Variants in SPAG9 observed in about 807,000 individuals in gnomAD.
The protein encoded by SPAG9 is sperm associated antigen 9, also known as C-Jun-amino-terminal kinase-interacting protein 4.
In SPAG9, 35 loss-of-function variants were observed where a neutral mutation model predicts 166.5. That is an observed-to-expected ratio of 0.21 (90% CI 0.16 to 0.28). The LOEUF is 0.28. SPAG9 is among the 10% of genes least tolerant of loss of function. SPAG9 has a pLI of 1.00. For synonymous variants in SPAG9, 534 were observed against 565.5 expected (o/e 0.94, Z 0.79); for missense variants, 1,235 against 1,603.3 (o/e 0.77, Z 3.92).
chr17:51,115,335 C>T (rs547304355), intron 1 of SPAG9, among the ~76,000 whole-genome samples: 1 of 152,004 alleles, frequency 6.6e-6, no homozygotes, highest in African/African-American at 2.4e-5. Flanking sequence ...ACTACAGGCT[C>T]ACACCATCAC....
At chr17:51,039,461 C>T in intron 5 of SPAG9, among the ~76,000 whole-genome samples, 1 of 152,108 alleles carries the variant, frequency 6.6e-6, no homozygotes, top group Non-Finnish European at 1.5e-5. Flanking sequence ...TAGACTTTTG[C>T]CATTTTGTAA....
chr17:51,039,882 G>GA (rs1349882705), intron 5 of SPAG9, among the ~76,000 whole-genome samples: 2 of 152,020 alleles, frequency 1.3e-5, no homozygotes, highest in Non-Finnish European at 1.5e-5. Flanking sequence ...GAGTGTTTTG[G>GA]AAAATCTATT....
At chr17:51,085,882 C>A (rs2048291114) in intron 1 of SPAG9, among the ~76,000 whole-genome samples, 2 of 150,686 alleles carry the variant, frequency 1.3e-5, no homozygotes, top group South Asian at 4.2e-4. Context: ...TAAAAGAAAT[C>A]AAGGAGGATT....
chr17:51,092,605 C>T (rs955147925), intron 1 of SPAG9, among the ~76,000 whole-genome samples: 5 of 151,844 alleles, frequency 3.3e-5, no homozygotes. Flanking sequence ...TTTGGTCTGC[C>T]TTAATATTAT....
intron 28 of SPAG9, among the ~76,000 whole-genome samples, chr17:50,971,161 G>T (rs1295061036): frequency 6.6e-6 from 1 of 152,058 alleles, no homozygotes; most frequent in East Asian, 1.9e-4. Context: ...AAAAAAGTTA[G>T]CCGGGAATGG....
At position 51,103,321 on chromosome 17, in the gene SPAG9, GT is replaced by G. The variant is rs1708182549; in HGVS notation, c.303+17032del. ...AGGTTAGTTTGACACAGCGCTGAAA[GT>G]GCTACAAGAGGGCAAGAGGACTGTA... On this transcript the variant is annotated intron_variant, in intron 1 of 29. Transcript: ENST00000262013. Among the ~76,000 whole-genome samples the G allele has an allele frequency of 2.0e-5, 3 of 152,318 alleles. No homozygotes were observed. The East Asian group carries it at 5.8e-4, about 29-fold the overall frequency.
At chr17:51,105,033 T>A (rs1568092255) in intron 1 of SPAG9, among the ~76,000 whole-genome samples, 1 of 151,610 alleles carries the variant, frequency 6.6e-6, no homozygotes, top group African/African-American at 2.4e-5. Context: ...GAGGCAGAGC[T>A]TGCAGTGAGC....
At chr17:51,003,051 T>C (rs912951100) in intron 12 of SPAG9, among the ~76,000 whole-genome samples, 1 of 147,640 alleles carries the variant, frequency 6.8e-6, no homozygotes, top group Non-Finnish European at 1.5e-5. Flanking sequence ...CTAGGCAACA[T>C]AGTGAGACCC....
At chr17:51,095,969 ATAGT>A (rs2048619861) in intron 1 of SPAG9, among the ~76,000 whole-genome samples, 2 of 101,826 alleles carry the variant, frequency 2.0e-5, no homozygotes, top group South Asian at 5.3e-4. Flanking sequence ...ATATATATAT[ATAGT>A]GATATATATA....
At chr17:50,982,462 G>A (rs1974733054) in intron 25 of SPAG9, 62 bp downstream of exon 25, 2 of 1,450,162 alleles carry the variant, frequency 1.4e-6, no homozygotes, top group Non-Finnish European at 1.9e-6. Context: ...AATAATTATA[G>A]TCTAATAGTC....
At chr17:51,102,893 C>A (rs1448207615) in intron 1 of SPAG9, among the ~76,000 whole-genome samples, 1 of 152,094 alleles carries the variant, frequency 6.6e-6, no homozygotes, top group East Asian at 1.9e-4. Context: ...TCTTGAGTAG[C>A]TGGGACTTCA....
chr17:51,098,008 G>C (rs1395388920), intron 1 of SPAG9, among the ~76,000 whole-genome samples: 1 of 151,868 alleles, frequency 6.6e-6, no homozygotes, highest in Non-Finnish European at 1.5e-5. Context: ...TTTTTCTGTA[G>C]AGACAGGGTT....
In SPAG9 at chr17:50,995,205, A is replaced by G; in HGVS notation, c.2078T>C (p.Val693Ala). The change falls in exon 18 of 30, where the codon GTC (valine) becomes GCC (alanine). Residue 693 changes from valine (V) to alanine (A), a missense_variant. By Grantham distance (64) the Val-to-Ala change is moderately conservative. Around this residue, in one of 6 missense-constraint regions of SPAG9, gnomAD observed 493 missense variants for 559.4 expected, o/e 0.88. Transcript: ENST00000262013. ...TSMKLWCAVG[V>A]NLSGGKTRDG... ...TCTGGTCTTCCCACCAGATAAATTGACTCCAACAGCACACCACAGCTTCTC... is the reference window on the plus strand; with the variant it reads ...TCTGGTCTTCCCACCAGATAAATTGGCTCCAACAGCACACCACAGCTTCTC... 1 of 1,614,022 alleles carries G rather than the reference A, an allele frequency of 6.2e-7. No individual in the cohort carries two copies. Among genetic ancestry groups the G allele is most frequent in the Non-Finnish European group, 8.5e-7 (1 of 1,179,938 alleles).
chr17:50,995,702 C>T, intron 16 of SPAG9, 169 bp from the exon 17 acceptor site: 1 of 591,466 alleles, frequency 1.7e-6, no homozygotes, highest in East Asian at 2.9e-5. Context: ...CGCTCTACTG[C>T]CCAGGCTAGA....
intron 1 of SPAG9, among the ~76,000 whole-genome samples, chr17:51,086,415 C>CA (rs2048308696): frequency 6.7e-6 from 1 of 149,532 alleles, no homozygotes; most frequent in Admixed American, 6.6e-5. Flanking sequence ...CCGAGGTGGG[C>CA]AGACTGCCAG....
intron 1 of SPAG9, among the ~76,000 whole-genome samples, chr17:51,105,786 C>A (rs924257350): frequency 2.2e-4 from 33 of 151,824 alleles, no homozygotes; most frequent in African/African-American, 8.0e-4. Flanking sequence ...AGGAGAATGG[C>A]GTGAACCCGG....
At chr17:50,992,147 G>C (rs1197353302) in intron 19 of SPAG9, among the ~76,000 whole-genome samples, 1 of 151,616 alleles carries the variant, frequency 6.6e-6, no homozygotes, top group Non-Finnish European at 1.5e-5. Context: ...CTTGGCCTCT[G>C]AAAGTGCTGG....
At chr17:51,016,472 T>C (rs2045702031) in intron 8 of SPAG9, among the ~76,000 whole-genome samples, 3 of 152,220 alleles carry the variant, frequency 2.0e-5, no homozygotes, top group African/African-American at 7.2e-5. Flanking sequence ...AGGCAGGTTT[T>C]GTGTTTGGTC....
intron 12 of SPAG9, 102 bp from the exon 13 acceptor site, chr17:51,001,947 A>G (rs943568605): frequency 4.8e-6 from 5 of 1,050,100 alleles, no homozygotes; most frequent in Non-Finnish European, 7.0e-6. Flanking sequence ...GCATTCCTTA[A>G]TTTTTAATCT....
Sources: gnomAD v4.1 joint callset for allele counts (sites outside exome capture counted in the v4.1 genomes callset) on GRCh38, gnomAD v4.1.1 for gene constraint, gnomAD v4.1.1 regional missense constraint, MANE v1.5 for transcripts, NCBI Gene and HGNC (gene_info 2026-07-23, HGNC 2026-07-21) for gene names.